Variants in MALRD1 observed in about 807,000 individuals in gnomAD.
MALRD1 encodes the protein MAM and LDL-receptor class A domain-containing protein 1.
MALRD1 carries 247 observed loss-of-function variants against 242.1 expected under a neutral mutation model. The observed-to-expected ratio is 1.02, with a 90% CI of 0.92 to 1.13. The LOEUF (loss-of-function observed/expected upper bound fraction) is 1.13. Among genes scored for constraint, MALRD1 ranks in the 50% most tolerant of loss-of-function variants. The pLI is 0.00. For missense variants in MALRD1, 2,989 were observed against 2,533.1 expected, an observed-to-expected ratio of 1.18 and a Z score of -3.86; for synonymous variants, 995 against 866.6, an observed-to-expected ratio of 1.15 and a Z score of -2.60.
At chr10:19,581,919 G>C (rs1010161189) in intron 33 of MALRD1, among the ~76,000 whole-genome samples, 1 of 152,144 alleles carries the variant, frequency 6.6e-6, no homozygotes, top group Admixed American at 6.5e-5. Flanking sequence ...CATTCTAACT[G>C]GTGTGAAATG....
intron 32 of MALRD1, among the ~76,000 whole-genome samples, chr10:19,541,643 A>G (rs1461854941): frequency 2.6e-5 from 4 of 152,178 alleles, no homozygotes; most frequent in African/African-American, 9.7e-5. Flanking sequence ...ATAACAGAAA[A>G]AGGCAAGGTT....
intron 38 of MALRD1, among the ~76,000 whole-genome samples, chr10:19,704,053 A>G (rs1233174411): frequency 6.6e-6 from 1 of 152,220 alleles, no homozygotes; most frequent in Non-Finnish European, 1.5e-5. Flanking sequence ...AATGTTTACT[A>G]TTCAGCATTG....
At chr10:19,709,196 A>T (rs1444319633) in intron 38 of MALRD1, among the ~76,000 whole-genome samples, 8 of 149,706 alleles carry the variant, frequency 5.3e-5, no homozygotes, top group East Asian at 4.0e-4. Flanking sequence ...ACTTTAGGCC[A>T]GAAGTTCAAG....
At chr10:19,478,171 A>G (rs1836828962) in intron 29 of MALRD1, among the ~76,000 whole-genome samples, 1 of 152,236 alleles carries the variant, frequency 6.6e-6, no homozygotes, top group Admixed American at 6.5e-5. Flanking sequence ...ATAGCCAATT[A>G]AACACATATC....
At chr10:19,449,197 A>T (rs985055135) in intron 28 of MALRD1, among the ~76,000 whole-genome samples, 4 of 152,160 alleles carry the variant, frequency 2.6e-5, no homozygotes, top group Non-Finnish European at 5.9e-5. Context: ...ATTTATTTTG[A>T]GGCAGAGTCT....
At chr10:19,277,623 G>A (rs1030962745) in intron 19 of MALRD1, among the ~76,000 whole-genome samples, 1 of 152,060 alleles carries the variant, frequency 6.6e-6, no homozygotes. Flanking sequence ...ACATAGTTCG[G>A]GGTCTTATTT....
chr10:19,270,330 TCTCTCTCACA>T (rs779106983), intron 19 of MALRD1, among the ~76,000 whole-genome samples: 16,164 of 106,182 alleles, frequency 0.15, 1,145 homozygotes, highest in Admixed American at 0.32. Context: ...TCTCTCTCTC[TCTCTCTCACA>T]CACACACACA....
At chr10:19,432,175 T>G (rs2496098) in intron 28 of MALRD1, among the ~76,000 whole-genome samples, 1 of 151,928 alleles carries the variant, frequency 6.6e-6, no homozygotes, top group African/African-American at 2.4e-5. Flanking sequence ...ATAACTTTGT[T>G]AGAGCAATGA....
intron 29 of MALRD1, among the ~76,000 whole-genome samples, chr10:19,460,371 T>C (rs773413552): frequency 3.9e-5 from 6 of 151,970 alleles, no homozygotes; most frequent in Non-Finnish European, 5.9e-5. Flanking sequence ...TGCACAAATA[T>C]TAAGCCAGGA....
chr10:19,126,710 TA>T (rs1482731270), intron 7 of MALRD1, among the ~76,000 whole-genome samples: 1 of 152,034 alleles, frequency 6.6e-6, no homozygotes, highest in Non-Finnish European at 1.5e-5. Flanking sequence ...TATTATTTTT[TA>T]TTTTTTTTTA....
chr10:19,627,719 C>T (rs1458981732), intron 36 of MALRD1, among the ~76,000 whole-genome samples: 2 of 147,082 alleles, frequency 1.4e-5, no homozygotes, highest in Non-Finnish European at 3.0e-5. Flanking sequence ...GCCGATATTC[C>T]ACCACTGCAC....
In MALRD1 at chr10:19,546,304, T is replaced by C. The variant is rs11010312; in HGVS notation, c.5478+14953T>C. ...TCTTTGATGTAAAGCACTAGCTGTT[T>C]TCTAGTGTGTTTATGTTTACGATGT... On this transcript the variant is annotated intron_variant, in intron 32 of 39. Coordinates refer to ENST00000454679, the MANE Select transcript of MALRD1 (RefSeq NM_001142308.3). Among the ~76,000 whole-genome samples, 4 of 152,334 alleles carry C rather than the reference T, an allele frequency of 2.6e-5. No individual in the cohort carries two copies. The East Asian group carries it at 5.8e-4, about 22-fold the overall frequency.
intron 33 of MALRD1, among the ~76,000 whole-genome samples, chr10:19,590,377 TA>T (rs1837707805): frequency 6.8e-6 from 1 of 148,126 alleles, no homozygotes; most frequent in African/African-American, 2.5e-5. Flanking sequence ...TCTATATACA[TA>T]TTTTATATAT....
chr10:19,475,853 A>G (rs1331205673), intron 29 of MALRD1, among the ~76,000 whole-genome samples: 2 of 152,212 alleles, frequency 1.3e-5, no homozygotes, highest in African/African-American at 4.8e-5. Context: ...AAAATCTCTT[A>G]TTCTTCATTA....
At chr10:19,191,683 A>G (rs757865204) in intron 14 of MALRD1, among the ~76,000 whole-genome samples, 15 of 152,180 alleles carry the variant, frequency 9.9e-5, no homozygotes, top group Non-Finnish European at 1.8e-4. Context: ...AAATTCTGAC[A>G]TACACTACAA....
chr10:19,363,456 C>T (rs1844982189), intron 26 of MALRD1, among the ~76,000 whole-genome samples: 1 of 152,056 alleles, frequency 6.6e-6, no homozygotes, highest in Non-Finnish European at 1.5e-5. Context: ...CTGGGTTAAA[C>T]AAAATGAGGT....
chr10:19,368,098 CTT>C (rs928322527), intron 26 of MALRD1, among the ~76,000 whole-genome samples: 20 of 151,984 alleles, frequency 1.3e-4, no homozygotes, highest in Admixed American at 9.2e-4. Context: ...TATGCTAAAA[CTT>C]TTTATTTTTA....
intron 18 of MALRD1, among the ~76,000 whole-genome samples, chr10:19,228,207 C>A (rs1488892905): frequency 6.6e-6 from 1 of 152,046 alleles, no homozygotes; most frequent in African/African-American, 2.4e-5. Context: ...TATGGAGTAC[C>A]ACTCAACAAT....
At chr10:19,587,191 G>C (rs141786971) in intron 33 of MALRD1, among the ~76,000 whole-genome samples, 1 of 152,180 alleles carries the variant, frequency 6.6e-6, no homozygotes, top group Non-Finnish European at 1.5e-5. Context: ...CATCTTCTGC[G>C]TCACTCACGC....
Sources: allele counts gnomAD v4.1 joint callset (sites outside exome capture counted in the v4.1 genomes callset), GRCh38; gene constraint gnomAD v4.1.1; transcripts MANE v1.5; gene names NCBI Gene and HGNC (gene_info 2026-07-23, HGNC 2026-07-21).